Variants in ZNF816 observed in about 807,000 individuals in gnomAD.
The protein encoded by ZNF816 is zinc finger protein 816A.
Under a neutral mutation model 8.3 loss-of-function variants are expected in ZNF816, and 11 were observed. The ratio of observed to expected loss-of-function variants is 1.32; its 90% CI spans 0.83 to 2.19. ZNF816 has a LOEUF of 2.19. ZNF816 is among the 30% of genes most tolerant of loss of function. The pLI, the probability that ZNF816 is intolerant of heterozygous loss-of-function variation, is 0.00. For missense variants in ZNF816, 710 were observed against 779.3 expected (o/e 0.91, Z 1.06); for synonymous variants, 255 against 254.5 (o/e 1.00, Z -0.02).
chr19:52,951,095 T>A lies in ZNF816; in HGVS notation c.680A>T (p.Lys227Ile), dbSNP rs756018545. The change falls in exon 4 of 4, where the codon AAA becomes ATA. Residue 227 changes from lysine (K) to isoleucine (I), a missense_variant. Lys to Ile is a moderately radical substitution (Grantham distance 102, BLOSUM62 -3). Coordinates refer to ENST00000444460, the MANE Select transcript of ZNF816 (RefSeq NM_001202457.3). ...GCCACACTCATTACTTTGGCAAGGT[T>A]TTTCTCTCATGCATATTTCCTGTAT... Reference protein sequence around the residue: ...TQIQEICMREKPCQSNECGKA... With the variant: ...TQIQEICMREIPCQSNECGKA... 1.2e-6 allele frequency: 2 copies of A among 1,614,018 alleles called. No homozygotes were observed. Among genetic ancestry groups the A allele is most frequent in the Non-Finnish European group, 1.7e-6 (2 of 1,179,972 alleles).
intron 2 of ZNF816, 57 bp from the exon 3 acceptor site, chr19:52,952,934 A>T: frequency 6.5e-7 from 1 of 1,537,478 alleles, no homozygotes; most frequent in East Asian, 2.3e-5. Flanking sequence ...TATTGCCCTC[A>T]CGTGAAATGA....
At chr19:52,952,345 G>C (rs1318191723) in intron 3 of ZNF816, among the ~76,000 whole-genome samples, 1 of 151,728 alleles carries the variant, frequency 6.6e-6, no homozygotes, top group Non-Finnish European at 1.5e-5. Context: ...ACTCCAGTCT[G>C]TTCAACAGAG....
intron 2 of ZNF816, among the ~76,000 whole-genome samples, chr19:52,954,204 A>G (rs1041507531): frequency 6.6e-6 from 1 of 152,076 alleles, no homozygotes; most frequent in African/African-American, 2.4e-5. Flanking sequence ...CCTGAAGAAC[A>G]TGGACAAATT....
Position 52,951,153 on chromosome 19 carries a change from C to T in ZNF816, c.622G>A (p.Gly208Arg), listed in dbSNP as rs758355500. ...RLKTHISNKY[G>R]KNFLHSSFTQ... ...AATGAAGAATGGAGGAAATTCTTCC[C>T]ATACTTATTAGAAATATGAGTTTTG... Residue 208 changes from glycine to arginine, a missense_variant, in exon 4 of 4, where the codon GGG (glycine) becomes AGG (arginine). Physicochemically the swap from Gly to Arg is moderately radical, Grantham distance 125. Coordinates refer to ENST00000444460, the MANE Select transcript of ZNF816 (RefSeq NM_001202457.3). 2.2e-5 allele frequency: 35 copies of T among 1,614,072 alleles called. No individual in the cohort carries two copies. Among genetic ancestry groups the T allele is most frequent in the Non-Finnish European group, 2.8e-5 (33 of 1,180,012 alleles).
At chr19:52,959,645 C>T (rs1024368822) in intron 1 of ZNF816, among the ~76,000 whole-genome samples, 1 of 152,120 alleles carries the variant, frequency 6.6e-6, no homozygotes, top group Non-Finnish European at 1.5e-5. Context: ...CACTGACTCT[C>T]GGTATGCCTT....
chr19:52,959,619 A>C (rs1446796460), intron 1 of ZNF816, among the ~76,000 whole-genome samples: 1 of 152,200 alleles, frequency 6.6e-6, no homozygotes, highest in Non-Finnish European at 1.5e-5. Context: ...AGTGAAGGTA[A>C]GACTGAAAAT....
rs1568439495 is a variant in ZNF816 at position 52,956,094 on chromosome 19, C to T, written c.-5G>A. On this transcript the variant is annotated 5_prime_UTR_variant, in exon 2 of 4. Coordinates refer to ENST00000444460, the MANE Select transcript of ZNF816 (RefSeq NM_001202457.3). ...GGTGGCTTCCTCACGTAACATGAGT[C>T]TTTGGAAATCCTGTATGTTAAAAAA... 6.2e-7 allele frequency: 1 copy of T among 1,606,126 alleles called. No individual in the cohort carries two copies.
Position 52,957,127 on chromosome 19 carries a change from A to T in ZNF816, c.-15-1023T>A, listed in dbSNP as rs569507382. Among the ~76,000 whole-genome samples the T allele has an allele frequency of 8.0e-4, 122 of 152,298 alleles. No individual in the cohort carries two copies. Among genetic ancestry groups the T allele is most frequent in the African/African-American group, 2.8e-3 (118 of 41,556 alleles). On this transcript the variant is annotated intron_variant, in intron 1 of 3. Transcript: ENST00000444460. The surrounding 1 kb of genome is among the most constrained non-coding windows in gnomAD (Gnocchi z 4.6). ...CAGTTCTTGAGACACGAGTCCTCTG[A>T]TGCGCTGGGCCGAATAAAGCCACTT...
intron 1 of ZNF816, among the ~76,000 whole-genome samples, chr19:52,958,992 TG>T (rs1395923827): frequency 6.6e-6 from 1 of 152,218 alleles, no homozygotes; most frequent in Non-Finnish European, 1.5e-5. Context: ...CCTTTTACGC[TG>T]TATGTTTCTG....
At chr19:52,959,851 C>T (rs2038632711) in intron 1 of ZNF816, among the ~76,000 whole-genome samples, 1 of 152,154 alleles carries the variant, frequency 6.6e-6, no homozygotes, top group Non-Finnish European at 1.5e-5. Context: ...CCAGAGCTGA[C>T]TCAGAAGCTC....
Position 52,951,609 on chromosome 19 carries a change from T to C in ZNF816, c.191-25A>G, listed in dbSNP as rs369724877. The C allele has an allele frequency of 7.9e-4, 1,200 of 1,511,986 alleles. 1 individual carries two copies. Among genetic ancestry groups the C allele is most frequent in the Non-Finnish European group, 9.2e-4 (1,040 of 1,130,498 alleles). 93.7% of individuals were successfully genotyped at this position (1,511,986 alleles called of 1,614,324 possible). A position where few individuals can be genotyped will look rare whatever the true frequency, so the allele number is the denominator to read the frequency against. On this transcript the variant is annotated intron_variant, in intron 3 of 3. Transcript: ENST00000444460. ...TCTAAAAAATATAAAGACCAATAGG[T>C]TTCCAATTAAGTACAGATGGTAAAT...
chr19:52,951,559 C>A lies in ZNF816; in HGVS notation c.216G>T (p.Glu72Asp), dbSNP rs1292293699. Residue 72 changes from glutamate (E) to aspartate (D), a missense_variant, in exon 4 of 4, where the codon GAG becomes GAT. By Grantham distance (45) the Glu-to-Asp change is conservative. Coordinates refer to ENST00000444460, the MANE Select transcript of ZNF816 (RefSeq NM_001202457.3). ...FVDSSLKSMMEFSSTRHSITG... is the reference protein window; with the variant it reads ...FVDSSLKSMMDFSSTRHSITG... ...TAATACTGTGCCTGGTTGATGAGAA[C>A]TCCATCATGGATTTTAAAGAGCTAT... 6.4e-7 allele frequency: 1 copy of A among 1,560,054 alleles called. No homozygotes were observed. Among genetic ancestry groups the A allele is most frequent in the African/African-American group, 1.4e-5 (1 of 72,564 alleles).
At chr19:52,951,835 T>A (rs12461796) in intron 3 of ZNF816, 180,461 of 469,626 alleles carry the variant, frequency 0.38, 37,579 homozygotes, top group African/African-American at 0.67. Context: ...GAGGCAGAGG[T>A]TGCAGCATGC....
Position 52,960,185 on chromosome 19 carries a change from C to A in ZNF816, c.-16+2542G>T, listed in dbSNP as rs552079390. The A allele has an allele frequency of 1.6e-4, 36 of 222,180 alleles. No individual in the cohort carries two copies. In the South Asian group the frequency reaches 2.1e-3, roughly 13 times the overall value. The allele number at this position is 222,180 out of a possible 1,614,324, so 13.8% of individuals were successfully genotyped here. ...GGCACAGCGGTGTGTTACCTGCCGA[C>A]AGCACAATGCGAGGCAGGGTTCAGC... On this transcript the variant is annotated intron_variant, in intron 1 of 3. Transcript: ENST00000444460.
intron 2 of ZNF816, chr19:52,953,312 GAGAACA>G (rs2083475392): frequency 5.9e-6 from 2 of 341,718 alleles, no homozygotes; most frequent in Non-Finnish European, 1.2e-5. Context: ...AGAATAACTT[GAGAACA>G]AGAGACGAAT....
At chr19:52,955,533 G>A (rs971437264) in intron 2 of ZNF816, among the ~76,000 whole-genome samples, 1 of 152,206 alleles carries the variant, frequency 6.6e-6, no homozygotes, top group East Asian at 1.9e-4. Flanking sequence ...TAAAACAAAA[G>A]TTTGGCGTCA....
chr19:52,954,314 C>T (rs1323234838), intron 2 of ZNF816, among the ~76,000 whole-genome samples: 2 of 151,974 alleles, frequency 1.3e-5, no homozygotes, highest in Non-Finnish European at 2.9e-5. Context: ...GAGCCGATAT[C>T]GTGCCACTGC....
chr19:52,951,392 G>C lies in ZNF816; in HGVS notation c.383C>G (p.Pro128Arg), dbSNP rs1490514917. The change falls in exon 4 of 4, where the codon CCC becomes CGC. Residue 128 changes from proline (P) to arginine (R), a missense_variant. Coordinates refer to ENST00000444460, the MANE Select transcript of ZNF816 (RefSeq NM_001202457.3). ...QEVERNGHEA[P>R]MTKIKKLTGS... is the part of the protein sequence containing the mutation. Reference sequence around the variant, plus strand: ...AGTCAACTTTTTGATTTTTGTCATGGGTGCTTCATGGCCATTTCTTTCAAC... The same window carrying C: ...AGTCAACTTTTTGATTTTTGTCATGCGTGCTTCATGGCCATTTCTTTCAAC... 1 of 1,613,962 alleles carries C rather than the reference G, an allele frequency of 6.2e-7. No individual in the cohort carries two copies. Among genetic ancestry groups the C allele is most frequent in the South Asian group, 1.1e-5 (1 of 91,072 alleles).
chr19:52,952,689 A>C, intron 3 of ZNF816, 62 bp downstream of exon 3: 1 of 1,601,740 alleles, frequency 6.2e-7, no homozygotes, highest in Non-Finnish European at 8.5e-7. Context: ...AGAATATAAA[A>C]CCAGAAAGAG....
Sources: allele counts gnomAD v4.1 joint callset (sites outside exome capture counted in the v4.1 genomes callset), GRCh38; gene constraint gnomAD v4.1.1; non-coding constraint Gnocchi (gnomAD v3.1); transcripts MANE v1.5; gene names NCBI Gene and HGNC (gene_info 2026-07-23, HGNC 2026-07-21).